The following CDK14 variants were observed in gnomAD, a reference collection of about 807,000 sequenced individuals.
The protein encoded by CDK14 is cyclin-dependent kinase 14.
Under a neutral mutation model 60.7 loss-of-function variants are expected in CDK14, and 34 were observed. The observed-to-expected ratio is 0.56, with a 90% CI of 0.43 to 0.75. The LOEUF (loss-of-function observed/expected upper bound fraction) is 0.75. CDK14 is among the 30% of genes least tolerant of loss of function. The probability of loss-of-function intolerance (pLI) is 0.00; values close to 1 mark genes in which losing one functional copy is unlikely to be tolerated. For synonymous variants in CDK14, 197 were observed against 203.7 expected (o/e 0.97, Z 0.28); for missense variants, 482 against 564.1 (o/e 0.85, Z 1.47).
At chr7:90,715,808 G>A (rs963978164) in intron 2 of CDK14, among the ~76,000 whole-genome samples, 2 of 151,774 alleles carry the variant, frequency 1.3e-5, no homozygotes, top group African/African-American at 4.8e-5. Flanking sequence ...GCAGCTATGG[G>A]AATTTTGTAG....
chr7:90,770,276 T>C (rs1804733332), intron 4 of CDK14, among the ~76,000 whole-genome samples: 1 of 152,252 alleles, frequency 6.6e-6, no homozygotes, highest in Non-Finnish European at 1.5e-5. Flanking sequence ...CCAGATTTTG[T>C]AGTATGTATG....
At chr7:91,079,797 A>G (rs1798431966) in intron 12 of CDK14, among the ~76,000 whole-genome samples, 1 of 152,228 alleles carries the variant, frequency 6.6e-6, no homozygotes, top group Non-Finnish European at 1.5e-5. Flanking sequence ...TTTAGAAAAT[A>G]TAATATAATG....
At chr7:90,645,683 T>A (rs575742460) in intron 2 of CDK14, among the ~76,000 whole-genome samples, 4 of 152,186 alleles carry the variant, frequency 2.6e-5, no homozygotes, top group Non-Finnish European at 5.9e-5. Context: ...TTAAAATGAA[T>A]GTTTTTAGAC....
intron 2 of CDK14, among the ~76,000 whole-genome samples, chr7:90,673,514 TG>T (rs1427224324): frequency 6.6e-6 from 1 of 151,050 alleles, no homozygotes; most frequent in African/African-American, 2.4e-5. Context: ...CTCAACCCCT[TG>T]GGCTCAAGCA....
chr7:90,713,246 G>A (rs771238990), intron 2 of CDK14, among the ~76,000 whole-genome samples: 5 of 152,070 alleles, frequency 3.3e-5, no homozygotes, highest in African/African-American at 7.2e-5. Flanking sequence ...AGGCCTCAGT[G>A]CTGTTCATTT....
chr7:91,174,178 C>A (rs1463370586), intron 14 of CDK14, among the ~76,000 whole-genome samples: 2 of 151,950 alleles, frequency 1.3e-5, no homozygotes, highest in Non-Finnish European at 2.9e-5. Flanking sequence ...AACTGGGAGG[C>A]ACCCCCCAGC....
chr7:91,203,206 G>A (rs567161123), intron 14 of CDK14, among the ~76,000 whole-genome samples: 1 of 152,270 alleles, frequency 6.6e-6, no homozygotes, highest in South Asian at 2.1e-4. Context: ...TCTGTGAATG[G>A]CCTGCAGTGT....
chr7:91,176,626 T>C (rs1801768549), intron 14 of CDK14, among the ~76,000 whole-genome samples: 1 of 152,048 alleles, frequency 6.6e-6, no homozygotes, highest in Non-Finnish European at 1.5e-5. Flanking sequence ...ATAAAGGGCA[T>C]ATCACCACCG....
At chr7:91,061,438 G>A (rs1310954309) in intron 11 of CDK14, among the ~76,000 whole-genome samples, 1 of 152,192 alleles carries the variant, frequency 6.6e-6, no homozygotes, top group East Asian at 1.9e-4. Flanking sequence ...TTCCGTTGCT[G>A]GTGAGGAACT....
intron 6 of CDK14, among the ~76,000 whole-genome samples, chr7:90,895,469 T>C (rs144357789): frequency 0.018 from 80 of 4,374 alleles, 4 homozygotes; most frequent in African/African-American, 0.049. Context: ...CCCTCCCCTC[T>C]CCTCTCCTCA....
At chr7:91,065,465 A>G (rs969031458) in intron 11 of CDK14, among the ~76,000 whole-genome samples, 5 of 152,168 alleles carry the variant, frequency 3.3e-5, no homozygotes, top group Non-Finnish European at 5.9e-5. Flanking sequence ...ATAAAATCCT[A>G]AAATTTTGGG....
chr7:90,819,488 T>G (rs1025718176), intron 5 of CDK14, among the ~76,000 whole-genome samples: 2 of 151,930 alleles, frequency 1.3e-5, no homozygotes, highest in Non-Finnish European at 2.9e-5. Flanking sequence ...CTTTGGAGTT[T>G]TTTTTTTTTT....
intron 5 of CDK14, among the ~76,000 whole-genome samples, chr7:90,812,251 A>G (rs1037662550): frequency 2.6e-5 from 4 of 152,250 alleles, no homozygotes; most frequent in African/African-American, 9.6e-5. Context: ...GATTAAGAAA[A>G]TGTGGCACAT....
At chr7:90,663,095 AACACAC>A (rs111918409) in intron 2 of CDK14, among the ~76,000 whole-genome samples, 2,101 of 131,966 alleles carry the variant, frequency 0.016, 18 homozygotes, top group Non-Finnish European at 0.021. Context: ...CTAAGATGGG[AACACAC>A]ACACACACAC....
At chr7:91,139,789 T>C (rs985028802) in intron 14 of CDK14, among the ~76,000 whole-genome samples, 4 of 86,292 alleles carry the variant, frequency 4.6e-5, no homozygotes, top group Non-Finnish European at 8.3e-5. Context: ...TTCTTTCCTT[T>C]CTTTCTTTCT....
At chr7:90,742,589 T>G (rs4727240) in intron 3 of CDK14, among the ~76,000 whole-genome samples, 28,960 of 151,940 alleles carry the variant, frequency 0.19, 2,886 homozygotes, top group South Asian at 0.24. Context: ...TCTTTATTAA[T>G]CTCTTCCTAC....
intron 2 of CDK14, among the ~76,000 whole-genome samples, chr7:90,658,313 G>A (rs141723476): frequency 2.3e-4 from 35 of 152,306 alleles, no homozygotes; most frequent in African/African-American, 8.2e-4. Context: ...TGCCAGCATG[G>A]TTCTGGTGAG....
chr7:91,015,379 T>C (rs541464886), intron 10 of CDK14, among the ~76,000 whole-genome samples: 1 of 152,244 alleles, frequency 6.6e-6, no homozygotes, highest in East Asian at 1.9e-4. Context: ...TCACTGGCAA[T>C]TCAGATCAAA....
chr7:91,011,458 A>C (rs1045572499), intron 10 of CDK14, among the ~76,000 whole-genome samples: 1 of 152,114 alleles, frequency 6.6e-6, no homozygotes, highest in Non-Finnish European at 1.5e-5. Flanking sequence ...GCGTTCAGTA[A>C]GTTTCTGGAT....
Sources: allele counts gnomAD v4.1 joint callset (sites outside exome capture counted in the v4.1 genomes callset), GRCh38; gene constraint gnomAD v4.1.1; transcripts MANE v1.5; gene names NCBI Gene and HGNC (gene_info 2026-07-23, HGNC 2026-07-21).